The following ATP6V1G2 variants were observed in gnomAD, a reference collection of about 807,000 sequenced individuals.
ATP6V1G2 encodes the protein V-type proton ATPase subunit G 2.
A neutral mutation model predicts 17.8 loss-of-function variants in ATP6V1G2; 14 were observed. The observed-to-expected ratio is 0.79, with a 90% CI of 0.52 to 1.23. ATP6V1G2 has a LOEUF of 1.23. ATP6V1G2 is among the 50% of genes most tolerant of loss of function. ATP6V1G2 has a pLI of 0.00. For synonymous variants in ATP6V1G2, 57 were observed against 54.8 expected, an observed-to-expected ratio of 1.04 and a Z score of -0.17; for missense variants, 112 against 152.2, an observed-to-expected ratio of 0.74 and a Z score of 1.39.
At position 31,544,744 on chromosome 6, in the gene ATP6V1G2, G is replaced by A. The variant is rs1768827218; in HGVS notation, c.*664C>T. Reference sequence around the variant, plus strand: ...TAAATGTAGTCATCTCCTCTTTTTGGAGATCAGAAGGTCTCTGGGAAAAGA... The same window carrying A: ...TAAATGTAGTCATCTCCTCTTTTTGAAGATCAGAAGGTCTCTGGGAAAAGA... On this transcript the variant is annotated 3_prime_UTR_variant, in exon 3 of 3. Coordinates refer to ENST00000303892, the MANE Select transcript of ATP6V1G2 (RefSeq NM_130463.4). The A allele has an allele frequency of 2.2e-6, 1 of 456,658 alleles. No homozygotes were observed. Among genetic ancestry groups the A allele is most frequent in the Admixed American group, 2.3e-5 (1 of 42,566 alleles). The allele number at this position is 456,658 out of a possible 1,614,324, so 28.3% of individuals were successfully genotyped here.
chr6:31,545,334 G>T lies in ATP6V1G2; in HGVS notation c.*74C>A. On this transcript the variant is annotated 3_prime_UTR_variant, in exon 3 of 3. Coordinates refer to ENST00000303892, the MANE Select transcript of ATP6V1G2 (RefSeq NM_130463.4). The surrounding 1 kb of genome is among the most constrained non-coding windows in gnomAD (Gnocchi z 4.9). ...GGATGGAAAGAAGACAGGGATTATG[G>T]TGGGAGGTGATTTTGATTGGAGGAT... 6.6e-7 allele frequency: 1 copy of T among 1,507,500 alleles called. No individual in the cohort carries two copies. The highest frequency in any genetic ancestry group is 1.2e-5 in the South Asian group (1 of 80,252). 93.4% of individuals were successfully genotyped at this position (1,507,500 alleles called of 1,614,324 possible). A position where few individuals can be genotyped will look rare whatever the true frequency, so the allele number is the denominator to read the frequency against.
At position 31,545,560 on chromosome 6, in the gene ATP6V1G2, G is replaced by T; in HGVS notation, c.205C>A (p.Leu69Met). Residue 69 changes from leucine (L) to methionine (M), a missense_variant, in exon 3 of 3, where the codon CTG becomes ATG. Transcript: ENST00000303892. The surrounding 1 kb of genome is among the most constrained non-coding windows in gnomAD (Gnocchi z 4.9). ...GTAGCCTGCTCCACCTCAGCAGACAGGTTCCCCTGGGAGCCCATGGCCTGG... is the reference window on the plus strand; with the variant it reads ...GTAGCCTGCTCCACCTCAGCAGACATGTTCCCCTGGGAGCCCATGGCCTGG... ...QQAAMGSQGN[L>M]SAEVEQATRR... is the part of the protein sequence containing the mutation. 1.2e-6 allele frequency: 2 copies of T among 1,613,924 alleles called. No homozygotes were observed. The highest frequency in any genetic ancestry group is 2.2e-5 in the South Asian group (2 of 91,056).
chr6:31,545,598 G>C lies in ATP6V1G2; in HGVS notation c.184-17C>G. 2 of 1,611,476 alleles carry C rather than the reference G, an allele frequency of 1.2e-6. No homozygotes were observed. Among genetic ancestry groups the C allele is most frequent in the Non-Finnish European group, 1.7e-6 (2 of 1,178,974 alleles). ...GCCCATGGCCTGGGGGGTAGGGAGA[G>C]GGGTGGAAGAGAGAAAGGGAAAAGC... On this transcript the variant is annotated splice_polypyrimidine_tract_variant and intron_variant, in intron 2 of 2. Transcript: ENST00000303892. The surrounding 1 kb of genome is among the most constrained non-coding windows in gnomAD (Gnocchi z 4.9).
Position 31,545,288 on chromosome 6 carries a change from C to A in ATP6V1G2, c.*120G>T. 8.2e-7 allele frequency: 1 copy of A among 1,217,994 alleles called. No homozygotes were observed. Among genetic ancestry groups the A allele is most frequent in the Non-Finnish European group, 1.1e-6 (1 of 881,274 alleles). The allele number at this position is 1,217,994 out of a possible 1,614,324, so 75.4% of individuals were successfully genotyped here. ...AGTGTCACAGGAAAATTATTGGATCCTGCCTCCCAGGATTTCTAGGGGATG... is the reference window on the plus strand; with the variant it reads ...AGTGTCACAGGAAAATTATTGGATCATGCCTCCCAGGATTTCTAGGGGATG... On this transcript the variant is annotated 3_prime_UTR_variant, in exon 3 of 3. Coordinates refer to ENST00000303892, the MANE Select transcript of ATP6V1G2 (RefSeq NM_130463.4). This position sits in a 1 kb window ranked among gnomAD's most constrained non-coding sequence, Gnocchi z 4.9.
Position 31,544,553 on chromosome 6 carries a change from A to G in ATP6V1G2, c.*855T>C. 2.8e-6 allele frequency: 1 copy of G among 354,222 alleles called. No homozygotes were observed. Among genetic ancestry groups the G allele is most frequent in the Non-Finnish European group, 5.6e-6 (1 of 177,844 alleles). 21.9% of individuals were successfully genotyped at this position (354,222 alleles called of 1,614,324 possible). ...GGATATAGAAAGGAAGGGCATGCAT[A>G]TGAGGGAACACAGTATCATTTTAGA... On this transcript the variant is annotated 3_prime_UTR_variant, in exon 3 of 3. Transcript: ENST00000303892.
In ATP6V1G2 at chr6:31,546,249, A is replaced by C; in HGVS notation, c.83-40T>G. ...AAGGACAGTGAGTGGGGATGGACCC[A>C]CACACACACAATGTAATAGCAGGAG... On this transcript the variant is annotated intron_variant, in intron 1 of 2. Coordinates refer to ENST00000303892, the MANE Select transcript of ATP6V1G2 (RefSeq NM_130463.4). The surrounding 1 kb of genome is among the most constrained non-coding windows in gnomAD (Gnocchi z 4.1). 2.0e-6 allele frequency: 3 copies of C among 1,514,204 alleles called. No individual in the cohort carries two copies. Among genetic ancestry groups the C allele is most frequent in the Non-Finnish European group, 2.7e-6 (3 of 1,091,712 alleles). 93.8% of individuals were successfully genotyped at this position (1,514,204 alleles called of 1,614,324 possible). A position where few individuals can be genotyped will look rare whatever the true frequency, so the allele number is the denominator to read the frequency against.
upstream of ATP6V1G2, chr6:31,546,727 A>C: frequency 1.6e-6 from 1 of 619,416 alleles, no homozygotes; most frequent in Non-Finnish European, 2.9e-6. This position sits in a 1 kb window ranked among gnomAD's most constrained non-coding sequence, Gnocchi z 4.1. Context: ...GTCTCTCCCA[A>C]TCTCATCCTC....
Position 31,545,401 on chromosome 6 carries a change from G to A in ATP6V1G2, c.*7C>T, listed in dbSNP as rs746260817. ...ACTGGCAGAAGGAGTCAGGCCCTAC[G>A]GTGGCCCTAGGCAGAAATCCGGTAG... On this transcript the variant is annotated 3_prime_UTR_variant, in exon 3 of 3. Transcript: ENST00000303892. The surrounding 1 kb of genome is among the most constrained non-coding windows in gnomAD (Gnocchi z 4.9). 6.8e-6 allele frequency: 11 copies of A among 1,612,992 alleles called. No homozygotes were observed. Among genetic ancestry groups the A allele is most frequent in the Non-Finnish European group, 7.6e-6 (9 of 1,179,600 alleles).
rs1768807590 is a variant in ATP6V1G2 at position 31,544,592 on chromosome 6, T to C, written c.*816A>G. On this transcript the variant is annotated 3_prime_UTR_variant, in exon 3 of 3. Coordinates refer to ENST00000303892, the MANE Select transcript of ATP6V1G2 (RefSeq NM_130463.4). ...TATCATTTTAGATCTTAGAAAGCAA[T>C]GAGCATCTGATAAGTCTTTGGGGAA... 4.9e-6 allele frequency: 2 copies of C among 407,302 alleles called. No homozygotes were observed. The highest frequency in any genetic ancestry group is 1.8e-5 in the South Asian group (1 of 57,042). The allele number at this position is 407,302 out of a possible 1,614,324, so 25.2% of individuals were successfully genotyped here.
chr6:31,545,555 A>AGGG lies in ATP6V1G2; in HGVS notation c.209_210insCCC (p.Ser70_Ala71insPro). On this transcript the variant is annotated inframe_insertion, in exon 3 of 3. Coordinates refer to ENST00000303892, the MANE Select transcript of ATP6V1G2 (RefSeq NM_130463.4). This position sits in a 1 kb window ranked among gnomAD's most constrained non-coding sequence, Gnocchi z 4.9. The stretch of plus-strand genomic sequence containing the variant: ...GCCTTGTAGCCTGCTCCACCTCAGC[A>AGGG]GACAGGTTCCCCTGGGAGCCCATGG... The AGGG allele has an allele frequency of 6.2e-7, 1 of 1,613,990 alleles. No individual in the cohort carries two copies. The highest frequency in any genetic ancestry group is 2.2e-5 in the East Asian group (1 of 44,888).
In ATP6V1G2 at chr6:31,546,260, AT is replaced by A. The variant is rs971498686; in HGVS notation, c.83-52del. 6.6e-7 allele frequency: 1 copy of A among 1,511,912 alleles called. No homozygotes were observed. Among genetic ancestry groups the A allele is most frequent in the African/African-American group, 1.4e-5 (1 of 72,912 alleles). The allele number at this position is 1,511,912 out of a possible 1,614,324, so 93.7% of individuals were successfully genotyped here. On this transcript the variant is annotated intron_variant, in intron 1 of 2. Coordinates refer to ENST00000303892, the MANE Select transcript of ATP6V1G2 (RefSeq NM_130463.4). The surrounding 1 kb of genome is among the most constrained non-coding windows in gnomAD (Gnocchi z 4.1). ...GTGGGGATGGACCCACACACACACA[AT>A]GTAATAGCAGGAGTCAGTCCCTTCC...
In ATP6V1G2 at chr6:31,546,338, C is replaced by G; in HGVS notation, c.83-129G>C. 2 of 1,253,946 alleles carry G rather than the reference C, an allele frequency of 1.6e-6. No homozygotes were observed. The highest frequency in any genetic ancestry group is 3.1e-5 in the African/African-American group (2 of 65,356). 77.7% of individuals were successfully genotyped at this position (1,253,946 alleles called of 1,614,324 possible). A position where few individuals can be genotyped will look rare whatever the true frequency, so the allele number is the denominator to read the frequency against. ...CAACCAGGTGCCAGATTCTAATATCCATCCATTTCTTCCCTCCTAACCAGC... is the reference window on the plus strand; with the variant it reads ...CAACCAGGTGCCAGATTCTAATATCGATCCATTTCTTCCCTCCTAACCAGC... On this transcript the variant is annotated intron_variant, in intron 1 of 2. Coordinates refer to ENST00000303892, the MANE Select transcript of ATP6V1G2 (RefSeq NM_130463.4). This position sits in a 1 kb window ranked among gnomAD's most constrained non-coding sequence, Gnocchi z 4.1.
rs569440748 is a variant in ATP6V1G2, at chr6:31,546,140, C to G, written c.152G>C (p.Arg51Pro). ...CTGCTTGCTCTGGAATTCGTGCTCTCGCTCTCTGCGGTATTGCTCCACCTC... is the reference window on the plus strand; with the variant it reads ...CTGCTTGCTCTGGAATTCGTGCTCTGGCTCTCTGCGGTATTGCTCCACCTC... The part of the protein sequence containing the change: ...QMEVEQYRRE[R>P]EHEFQSKQQA... The change falls in exon 2 of 3, where the codon CGA becomes CCA. Residue 51 changes from arginine to proline, a missense_variant. Physicochemically the swap from Arg to Pro is moderately radical, Grantham distance 103. Coordinates refer to ENST00000303892, the MANE Select transcript of ATP6V1G2 (RefSeq NM_130463.4). This position sits in a 1 kb window ranked among gnomAD's most constrained non-coding sequence, Gnocchi z 4.1. The G allele has an allele frequency of 6.2e-7, 1 of 1,614,034 alleles. No homozygotes were observed. The highest frequency in any genetic ancestry group is 1.1e-5 in the South Asian group (1 of 91,082).
Position 31,545,618 on chromosome 6 carries a change from A to C in ATP6V1G2, c.184-37T>G. On this transcript the variant is annotated intron_variant, in intron 2 of 2. Transcript: ENST00000303892. The surrounding 1 kb of genome is among the most constrained non-coding windows in gnomAD (Gnocchi z 4.9). ...GGAGAGGGGTGGAAGAGAGAAAGGG[A>C]AAAGCAGAAACAGACAAGGGTCCAG... 6.2e-7 allele frequency: 1 copy of C among 1,601,354 alleles called. No individual in the cohort carries two copies. The highest frequency in any genetic ancestry group is 8.5e-7 in the Non-Finnish European group (1 of 1,173,248).
At position 31,545,862 on chromosome 6, in the gene ATP6V1G2, A is replaced by G; in HGVS notation, c.183+247T>C. On this transcript the variant is annotated intron_variant, in intron 2 of 2. Coordinates refer to ENST00000303892, the MANE Select transcript of ATP6V1G2 (RefSeq NM_130463.4). This position sits in a 1 kb window ranked among gnomAD's most constrained non-coding sequence, Gnocchi z 4.9. Reference sequence around the variant, plus strand: ...ACCCTCCACCACAAATGTTAATCATACTCCACATAGATGTTATACTTTACA... The same window carrying G: ...ACCCTCCACCACAAATGTTAATCATGCTCCACATAGATGTTATACTTTACA... The G allele has an allele frequency of 1.6e-6, 1 of 610,486 alleles. No homozygotes were observed. The highest frequency in any genetic ancestry group is 2.9e-6 in the Non-Finnish European group (1 of 345,000). 37.8% of individuals were successfully genotyped at this position (610,486 alleles called of 1,614,324 possible).
In ATP6V1G2 at chr6:31,546,197, C is replaced by T. The variant is rs1430348926; in HGVS notation, c.95G>A (p.Arg32Gln). The T allele has an allele frequency of 1.9e-6, 3 of 1,613,984 alleles. No homozygotes were observed. Among genetic ancestry groups the T allele is most frequent in the South Asian group, 1.1e-5 (1 of 91,070 alleles). ...VADARKRKAR[R>Q]LKQAKEEAQM... ...TGCCTCCTCCTTTGCCTGCTTCAGT[C>T]GCCGGGCCTTCCCTGGAGGCAGAAG... The change falls in exon 2 of 3, where the codon CGA becomes CAA. Residue 32 changes from arginine to glutamine, a missense_variant. Physicochemically the swap from Arg to Gln is conservative, Grantham distance 43 (BLOSUM62 1). Coordinates refer to ENST00000303892, the MANE Select transcript of ATP6V1G2 (RefSeq NM_130463.4). The surrounding 1 kb of genome is among the most constrained non-coding windows in gnomAD (Gnocchi z 4.1).
rs1768964167 is a variant in ATP6V1G2, at chr6:31,546,115, C to A, written c.177G>T (p.Gln59His). ...CGACTCTGCCTCAACTCACCGCCTG[C>A]TGCTTGCTCTGGAATTCGTGCTCTC... ...REREHEFQSKQQAAMGSQGNL... is the reference protein window; with the variant it reads ...REREHEFQSKHQAAMGSQGNL... The change falls in exon 2 of 3, where the codon CAG (glutamine) becomes CAT (histidine). Residue 59 changes from glutamine (Q) to histidine (H), a missense_variant. Gln to His is a conservative substitution (Grantham distance 24, BLOSUM62 0). Coordinates refer to ENST00000303892, the MANE Select transcript of ATP6V1G2 (RefSeq NM_130463.4). This position sits in a 1 kb window ranked among gnomAD's most constrained non-coding sequence, Gnocchi z 4.1. 1 of 1,613,892 alleles carries A rather than the reference C, an allele frequency of 6.2e-7. No individual in the cohort carries two copies. Among genetic ancestry groups the A allele is most frequent in the Non-Finnish European group, 8.5e-7 (1 of 1,180,030 alleles).
rs150045943 is a variant in ATP6V1G2 at position 31,544,841 on chromosome 6, C to T, written c.*567G>A. ...GTGGAATTAGAGAGCCAGTGATGGA[C>T]GTGAGGAAACAGCTGTGTAGGTTTT... is the stretch of plus-strand genomic sequence containing the variant. On this transcript the variant is annotated 3_prime_UTR_variant, in exon 3 of 3. Transcript: ENST00000303892. 1.8e-5 allele frequency: 8 copies of T among 451,614 alleles called. No individual in the cohort carries two copies. Among genetic ancestry groups the T allele is most frequent in the Middle Eastern group, 3.3e-4 (1 of 3,042 alleles). The allele number at this position is 451,614 out of a possible 1,614,324, so 28.0% of individuals were successfully genotyped here.
At position 31,546,222 on chromosome 6, in the gene ATP6V1G2, G is replaced by GA. The variant is rs781666346; in HGVS notation, c.83-14dup. On this transcript the variant is annotated splice_polypyrimidine_tract_variant and intron_variant, in intron 1 of 2. Coordinates refer to ENST00000303892, the MANE Select transcript of ATP6V1G2 (RefSeq NM_130463.4). This position sits in a 1 kb window ranked among gnomAD's most constrained non-coding sequence, Gnocchi z 4.1. ...CGCCGGGCCTTCCCTGGAGGCAGAA[G>GA]AAAGGACAGTGAGTGGGGATGGACC... 6.2e-7 allele frequency: 1 copy of GA among 1,612,492 alleles called. No homozygotes were observed. Among genetic ancestry groups the GA allele is most frequent in the East Asian group, 2.2e-5 (1 of 44,880 alleles).
Sources: gnomAD v4.1 joint callset for allele counts on GRCh38, gnomAD v4.1.1 for gene constraint, Gnocchi (gnomAD v3.1) non-coding constraint, MANE v1.5 for transcripts, NCBI Gene and HGNC (gene_info 2026-07-23, HGNC 2026-07-21) for gene names.